Variants in GSE1 observed in about 807,000 individuals in gnomAD.
The protein encoded by GSE1 is genetic suppressor element 1.
A neutral mutation model predicts 112.6 loss-of-function variants in GSE1; 32 were observed. The ratio of observed to expected loss-of-function variants is 0.28; its 90% CI spans 0.21 to 0.38. The LOEUF (loss-of-function observed/expected upper bound fraction) is 0.38, where lower values mean the gene tolerates loss of function less well. Ranked by LOEUF, GSE1 falls within the 10% of genes least tolerant of loss-of-function variation. The pLI is 1.00. For missense variants in GSE1, 2,348 were observed against 1,699.2 expected (o/e 1.38, Z -6.71); for synonymous variants, 1,115 against 735.6 (o/e 1.52, Z -8.35).
chr16:85,609,222 C>T (rs563549810), upstream of GSE1, among the ~76,000 whole-genome samples: 9 of 152,322 alleles, frequency 5.9e-5, no homozygotes, highest in Admixed American at 2.6e-4. Flanking sequence ...TGCTGTCTGT[C>T]CCTTGCCGCC....
At chr16:85,292,757 G>A (rs1456000491) in intron 1 of GSE1, among the ~76,000 whole-genome samples, 1 of 152,164 alleles carries the variant, frequency 6.6e-6, no homozygotes, top group South Asian at 2.1e-4. Context: ...ACTGCGCCCG[G>A]CCAGAATGAA....
intron 2 of GSE1, among the ~76,000 whole-genome samples, chr16:85,421,875 T>C (rs1003181524): frequency 1.3e-5 from 2 of 152,074 alleles, no homozygotes; most frequent in Non-Finnish European, 1.5e-5. Context: ...TCAGGGCCTT[T>C]TTCCTAAAAG....
intron 2 of GSE1, among the ~76,000 whole-genome samples, chr16:85,471,863 G>A (rs777713975): frequency 1.3e-5 from 2 of 152,220 alleles, no homozygotes; most frequent in African/African-American, 4.8e-5. Flanking sequence ...GACACACACT[G>A]TCGTGCCTGG....
At chr16:85,611,968 G>C (rs1369594066), upstream of GSE1, among the ~76,000 whole-genome samples, 1 of 152,102 alleles carries the variant, frequency 6.6e-6, no homozygotes, top group Non-Finnish European at 1.5e-5. Context: ...GCTGGCACGA[G>C]GGGGCTGAAA....
intron 1 of GSE1, among the ~76,000 whole-genome samples, chr16:85,342,308 G>T (rs1424404138): frequency 6.6e-6 from 1 of 152,228 alleles, no homozygotes; most frequent in African/African-American, 2.4e-5. Flanking sequence ...TCACCCTGAA[G>T]AATTTCCCTG....
chr16:85,316,799 G>T (rs911923338), intron 1 of GSE1, among the ~76,000 whole-genome samples: 3 of 152,214 alleles, frequency 2.0e-5, no homozygotes, highest in Non-Finnish European at 4.4e-5. Flanking sequence ...ACGTCTCCCT[G>T]TCAGGATGAT....
intron 2 of GSE1, among the ~76,000 whole-genome samples, chr16:85,435,775 A>G (rs2049233326): frequency 6.6e-6 from 1 of 151,944 alleles, no homozygotes; most frequent in African/African-American, 2.4e-5. Flanking sequence ...GTGTACCTCA[A>G]TTTCCTCATC....
intron 1 of GSE1, among the ~76,000 whole-genome samples, chr16:85,567,729 TTTTG>T (rs1195729176): frequency 6.6e-6 from 1 of 152,120 alleles, no homozygotes; most frequent in Non-Finnish European, 1.5e-5. Flanking sequence ...CTTCATCTCT[TTTTG>T]TTTGTTTGAG....
At chr16:85,510,364 C>T (rs1312488256) in intron 2 of GSE1, among the ~76,000 whole-genome samples, 1 of 152,032 alleles carries the variant, frequency 6.6e-6, no homozygotes, top group Non-Finnish European at 1.5e-5. Context: ...CCCCTGGGCT[C>T]ACCCACCGCT....
intron 2 of GSE1, among the ~76,000 whole-genome samples, chr16:85,425,077 C>T (rs1238061293): frequency 6.6e-6 from 1 of 152,216 alleles, no homozygotes; most frequent in Non-Finnish European, 1.5e-5. Flanking sequence ...GGGCCACTCA[C>T]CCAGGACTCC....
At chr16:85,248,575 A>G (rs537524623) in intron 1 of GSE1, among the ~76,000 whole-genome samples, 1 of 151,858 alleles carries the variant, frequency 6.6e-6, no homozygotes, top group African/African-American at 2.4e-5. Flanking sequence ...GTTAATGATG[A>G]TACAGTAAGT....
At chr16:85,254,221 C>T (rs1470003891) in intron 1 of GSE1, among the ~76,000 whole-genome samples, 1 of 152,192 alleles carries the variant, frequency 6.6e-6, no homozygotes, top group African/African-American at 2.4e-5. Flanking sequence ...CCTGGGGTCA[C>T]ACAGCCCGTT....
chr16:85,650,742 C>T (rs893765646), intron 3 of GSE1, among the ~76,000 whole-genome samples: 1 of 152,168 alleles, frequency 6.6e-6, no homozygotes, highest in Non-Finnish European at 1.5e-5. Context: ...GGCACAGAGG[C>T]TCAGCGGGGC....
chr16:85,412,919 C>T (rs549830909), intron 2 of GSE1, among the ~76,000 whole-genome samples: 55 of 152,322 alleles, frequency 3.6e-4, no homozygotes, highest in Non-Finnish European at 7.2e-4. Flanking sequence ...CCCACCCCAG[C>T]CCCTGTGTGA....
At chr16:85,346,159 G>GGGGC in intron 1 of GSE1, among the ~76,000 whole-genome samples, 1 of 150,150 alleles carries the variant, frequency 6.7e-6, no homozygotes. Context: ...GATAGATGGA[G>GGGGC]GGGCGGGTGG....
chr16:85,493,290 A>G (rs79410341), intron 2 of GSE1, among the ~76,000 whole-genome samples: 292 of 152,178 alleles, frequency 1.9e-3, no homozygotes, highest in African/African-American at 6.9e-3. Context: ...TTTCTATAAC[A>G]AAATAATATT....
upstream of GSE1, among the ~76,000 whole-genome samples, chr16:85,607,829 CCTT>C (rs1241612024): frequency 6.6e-6 from 1 of 152,200 alleles, no homozygotes; most frequent in Non-Finnish European, 1.5e-5. Flanking sequence ...GAGACAGGGG[CCTT>C]CTTCCCTTGA....
intron 1 of GSE1, among the ~76,000 whole-genome samples, chr16:85,216,353 A>C (rs539507931): frequency 6.6e-6 from 1 of 152,156 alleles, no homozygotes; most frequent in African/African-American, 2.4e-5. Context: ...GCAGGGAGCT[A>C]TGATCCCGGC....
intron 1 of GSE1, among the ~76,000 whole-genome samples, chr16:85,194,698 G>A (rs1004250066): frequency 3.9e-5 from 6 of 152,180 alleles, no homozygotes; most frequent in Non-Finnish European, 8.8e-5. Context: ...GGACTTATCA[G>A]TGCCTTTAAT....
Sources: allele counts gnomAD v4.1 joint callset (sites outside exome capture counted in the v4.1 genomes callset), GRCh38; gene constraint gnomAD v4.1.1; transcripts MANE v1.5; gene names NCBI Gene and HGNC (gene_info 2026-07-23, HGNC 2026-07-21).